The following FARSB variants were observed in gnomAD, a reference collection of about 807,000 sequenced individuals.
FARSB encodes phenylalanyl-tRNA synthetase subunit beta.
In FARSB, 40 loss-of-function variants were observed where a neutral mutation model predicts 69.6. The observed-to-expected ratio is 0.57, with a 90% confidence interval of 0.45 to 0.75. The LOEUF is 0.75. FARSB is among the 30% of genes least tolerant of loss of function. The pLI is 0.00. For missense variants in FARSB, 632 were observed against 722.9 expected (o/e 0.87, Z 1.44); for synonymous variants, 235 against 247.2 (o/e 0.95, Z 0.46).
rs1559207353 is a variant in FARSB at position 222,624,198 on chromosome 2, T to A, written c.1170+74A>T. The stretch of plus-strand genomic sequence containing the variant: ...TACTGCTTGATTCCTACGTTCTGTT[T>A]TCTCGAAGCCTTCCTGGCATTAAAT... On this transcript the variant is annotated intron_variant, in intron 12 of 16. Coordinates refer to ENST00000281828, the MANE Select transcript of FARSB (RefSeq NM_005687.5). The A allele has an allele frequency of 4.0e-6, 4 of 991,868 alleles. No homozygotes were observed. The East Asian group carries it at 9.5e-5, about 24-fold the overall frequency. 61.4% of individuals were successfully genotyped at this position (991,868 alleles called of 1,614,324 possible).
chr2:222,574,199 T>C (rs996123543), intron 16 of FARSB, among the ~76,000 whole-genome samples: 3 of 152,172 alleles, frequency 2.0e-5, no homozygotes, highest in Non-Finnish European at 4.4e-5. Flanking sequence ...TCTTCTTCAG[T>C]TGCCAGATCT....
At chr2:222,586,546 A>G (rs1470719098) in intron 16 of FARSB, among the ~76,000 whole-genome samples, 2 of 152,222 alleles carry the variant, frequency 1.3e-5, no homozygotes, top group Non-Finnish European at 2.9e-5. Context: ...AAATGCCCCA[A>G]TTAAAAGACA....
intron 9 of FARSB, among the ~76,000 whole-genome samples, chr2:222,629,210 T>C (rs748047059): frequency 7.2e-5 from 11 of 152,092 alleles, no homozygotes; most frequent in Non-Finnish European, 1.3e-4. Flanking sequence ...GTGTGTTACA[T>C]AATAAAACTG....
Position 222,578,911 on chromosome 2 carries a change from G to A in FARSB, c.1619-6889C>T, listed in dbSNP as rs530112874. On this transcript the variant is annotated intron_variant, in intron 16 of 16. Coordinates refer to ENST00000281828, the MANE Select transcript of FARSB (RefSeq NM_005687.5). The stretch of plus-strand genomic sequence containing the variant: ...ACAAGAGAATTGCTTGAACTCGGGA[G>A]GGGGAGGTTGCAGTAAGCTGAGATC... Among the ~76,000 whole-genome samples the A allele has an allele frequency of 4.1e-4, 63 of 152,312 alleles. 1 individual carries two copies. The South Asian group carries it at 0.011, about 27-fold the overall frequency.
intron 14 of FARSB, 33 bp from the exon 15 acceptor site, chr2:222,613,961 A>G: frequency 7.8e-7 from 1 of 1,281,472 alleles, no homozygotes. Flanking sequence ...GCACTGACCA[A>G]ATAGGACCCA....
intron 6 of FARSB, among the ~76,000 whole-genome samples, chr2:222,634,104 C>G (rs1207253419): frequency 6.6e-6 from 1 of 152,184 alleles, no homozygotes; most frequent in Non-Finnish European, 1.5e-5. Context: ...GTTCTTTATA[C>G]TTGCATGAGT....
At chr2:222,644,300 C>CA (rs1034598199) in intron 2 of FARSB, among the ~76,000 whole-genome samples, 2 of 151,764 alleles carry the variant, frequency 1.3e-5, no homozygotes, top group African/African-American at 4.8e-5. Context: ...TGCTGGGCTC[C>CA]AAAAAACCTC....
chr2:222,592,997 CT>C (rs1310099708), intron 16 of FARSB, among the ~76,000 whole-genome samples: 1 of 152,030 alleles, frequency 6.6e-6, no homozygotes, highest in East Asian at 1.9e-4. Flanking sequence ...CCGTTAGTCA[CT>C]TAGTAGCTGT....
intron 16 of FARSB, among the ~76,000 whole-genome samples, chr2:222,580,812 T>C (rs766717676): frequency 6.6e-6 from 1 of 152,110 alleles, no homozygotes; most frequent in Non-Finnish European, 1.5e-5. Context: ...TGAGAGTGAC[T>C]AGAAACCTTT....
At chr2:222,634,001 A>T (rs1057477844) in intron 6 of FARSB, among the ~76,000 whole-genome samples, 5 of 152,182 alleles carry the variant, frequency 3.3e-5, no homozygotes, top group Non-Finnish European at 5.9e-5. Flanking sequence ...CAAAGTGACT[A>T]CTGAATTCAT....
At position 222,656,046 on chromosome 2, in the gene FARSB, G is replaced by C. The variant is rs772967995; in HGVS notation, c.28C>G (p.Leu10Val). The change falls in exon 1 of 17, where the codon CTG becomes GTG. Residue 10 changes from leucine to valine, a missense_variant. Physicochemically the swap from Leu to Val is conservative, Grantham distance 32. Coordinates refer to ENST00000281828, the MANE Select transcript of FARSB (RefSeq NM_005687.5). The part of the protein sequence containing the change: MPTVSVKRD[L>V]LFQALGRTYT... Reference sequence around the variant, plus strand: ...GTGCGGCCCAGGGCTTGGAAGAGCAGATCACGCTTCACGCTGACAGTCGGC... The same window carrying C: ...GTGCGGCCCAGGGCTTGGAAGAGCACATCACGCTTCACGCTGACAGTCGGC... The C allele has an allele frequency of 3.1e-6, 5 of 1,597,922 alleles. No homozygotes were observed. Among genetic ancestry groups the C allele is most frequent in the Non-Finnish European group, 8.5e-7 (1 of 1,173,384 alleles).
At chr2:222,605,683 C>T (rs75279348) in intron 15 of FARSB, among the ~76,000 whole-genome samples, 5,859 of 152,084 alleles carry the variant, frequency 0.039, 174 homozygotes, top group African/African-American at 0.08. Flanking sequence ...TTTAGAAGGC[C>T]GAGGCAGAAG....
chr2:222,623,070 TCAG>T lies in FARSB; in HGVS notation c.1251+577_1251+579del. Among the ~76,000 whole-genome samples the T allele has an allele frequency of 1.3e-5, 2 of 151,778 alleles. 1 individual carries two copies. The highest frequency in any genetic ancestry group is 1.3e-4 in the Admixed American group (2 of 15,264). ...TACATTGCAGGCACCACAGAAATGC[TCAG>T]CAAGAGGGAAAAACGGAACTACAAA... On this transcript the variant is annotated intron_variant, in intron 13 of 16. Coordinates refer to ENST00000281828, the MANE Select transcript of FARSB (RefSeq NM_005687.5).
At chr2:222,632,120 C>G (rs1173473321) in intron 7 of FARSB, among the ~76,000 whole-genome samples, 2 of 151,708 alleles carry the variant, frequency 1.3e-5, no homozygotes, top group Non-Finnish European at 2.9e-5. Flanking sequence ...AAGCAAATCT[C>G]TGTCTCAAAA....
intron 15 of FARSB, among the ~76,000 whole-genome samples, chr2:222,605,391 T>C (rs1439951640): frequency 6.6e-6 from 1 of 152,190 alleles, no homozygotes; most frequent in Admixed American, 6.5e-5. Flanking sequence ...CCATTTTTGC[T>C]GTGAGAGAAG....
chr2:222,609,949 T>G (rs1004572073), intron 15 of FARSB, among the ~76,000 whole-genome samples: 1 of 152,106 alleles, frequency 6.6e-6, no homozygotes, highest in Non-Finnish European at 1.5e-5. Flanking sequence ...GCTGGGAAGG[T>G]TGGGTTTTTC....
intron 14 of FARSB, 118 bp downstream of exon 14, chr2:222,619,527 T>C: frequency 1.6e-6 from 1 of 611,612 alleles, no homozygotes; most frequent in Admixed American, 2.7e-5. Context: ...CCCAAGAAGA[T>C]ATTATTAAAA....
intron 1 of FARSB, among the ~76,000 whole-genome samples, chr2:222,653,153 G>A (rs1422766987): frequency 6.6e-6 from 1 of 152,180 alleles, no homozygotes; most frequent in Non-Finnish European, 1.5e-5. Flanking sequence ...AGTGGCAAGA[G>A]GAAACCATCT....
chr2:222,636,079 CAAA>C (rs1466735572), intron 5 of FARSB, among the ~76,000 whole-genome samples: 15 of 83,266 alleles, frequency 1.8e-4, no homozygotes, highest in Admixed American at 4.1e-4. Flanking sequence ...GACTCTGTCT[CAAA>C]AAAAAAAAAA....
Sources: allele counts gnomAD v4.1 joint callset (sites outside exome capture counted in the v4.1 genomes callset), GRCh38; gene constraint gnomAD v4.1.1; transcripts MANE v1.5; gene names NCBI Gene and HGNC (gene_info 2026-07-23, HGNC 2026-07-21).